CECR2: variants seen among roughly 807,000 people sequenced by gnomAD.
CECR2 encodes the protein chromatin remodeling regulator CECR2.
Under a neutral mutation model 154.5 loss-of-function variants are expected in CECR2, and 30 were observed. That is an observed-to-expected ratio of 0.19 (90% CI 0.15 to 0.26). The LOEUF is 0.26. CECR2 is among the 10% of genes least tolerant of loss of function. CECR2 has a pLI of 1.00. For synonymous variants in CECR2, 725 were observed against 683.7 expected (o/e 1.06, Z -0.94); for missense variants, 1,743 against 1,829.3 (o/e 0.95, Z 0.86).
chr22:17,464,103 T>C (rs2054988206), intron 1 of CECR2, among the ~76,000 whole-genome samples: 1 of 152,214 alleles, frequency 6.6e-6, no homozygotes, highest in Non-Finnish European at 1.5e-5. Flanking sequence ...GAAAATTTGT[T>C]TGCATCACTA....
At chr22:17,537,340 G>T in intron 10 of CECR2, 108 bp downstream of exon 10, 1 of 1,321,470 alleles carries the variant, frequency 7.6e-7, no homozygotes, top group Admixed American at 1.9e-5. Context: ...GGGTAACATG[G>T]TCACCATGTG....
chr22:17,391,727 T>TCC (rs2063328233), intron 1 of CECR2, among the ~76,000 whole-genome samples: 2 of 152,262 alleles, frequency 1.3e-5, no homozygotes, highest in African/African-American at 2.4e-5. Context: ...TATTTTGAAA[T>TCC]CAAAGTATAA....
intron 2 of CECR2, among the ~76,000 whole-genome samples, chr22:17,482,672 T>C (rs1412560772): frequency 1.3e-5 from 2 of 151,584 alleles, no homozygotes. Flanking sequence ...TAGCTGGGAC[T>C]CCAGGCGTGC....
intron 1 of CECR2, among the ~76,000 whole-genome samples, chr22:17,360,202 G>A (rs938909262): frequency 5.3e-5 from 8 of 152,202 alleles, no homozygotes; most frequent in Non-Finnish European, 8.8e-5. Context: ...CTTAAAATGC[G>A]GTGATTAGTT....
Position 17,373,513 on chromosome 22 carries a change from G to A in CECR2, c.126+3604G>A, listed in dbSNP as rs537036609. Among the ~76,000 whole-genome samples, 3 of 152,228 alleles carry A rather than the reference G, an allele frequency of 2.0e-5. No individual in the cohort carries two copies. The South Asian group carries it at 6.2e-4, about 32-fold the overall frequency. ...GTTAACATTGTATCCTTCCACTCAG[G>A]GATAAAAGTGATTCACTGTTAACAT... On this transcript the variant is annotated intron_variant, in intron 1 of 18. Transcript: ENST00000262608.
rs777023982 is a variant in CECR2 at position 17,541,850 on chromosome 22, A to G, written c.1896A>G (p.Val632=). The change falls in exon 15 of 19, where the codon GTA becomes GTG. Residue 632 remains valine, a synonymous_variant. Coordinates refer to ENST00000262608, the MANE Select transcript of CECR2 (RefSeq NM_001290047.2). ...TCAATGTGCTGCAGAGGCCAGCAGT[A>G]CCAGGAACATTTGGCCCTCTGCGAG... ...APFLNQMRPA[V]PGTFGPLRGS... 1.2e-6 allele frequency: 2 copies of G among 1,613,594 alleles called. No individual in the cohort carries two copies. Among genetic ancestry groups the G allele is most frequent in the South Asian group, 2.2e-5 (2 of 91,020 alleles).
chr22:17,536,596 C>T (rs1300133433), intron 9 of CECR2, among the ~76,000 whole-genome samples: 1 of 152,214 alleles, frequency 6.6e-6, no homozygotes, highest in Non-Finnish European at 1.5e-5. Context: ...CCATTGCTTG[C>T]ATGGATGCCT....
chr22:17,363,487 C>T (rs1304517186), intron 1 of CECR2, among the ~76,000 whole-genome samples: 2 of 152,096 alleles, frequency 1.3e-5, no homozygotes, highest in African/African-American at 2.4e-5. Context: ...GAATTACAGG[C>T]GTGAGCCACC....
In CECR2 at chr22:17,499,529, T is replaced by G; in HGVS notation, c.525T>G (p.Asn175Lys). ...AGGACCCGGTGCAAGGAAAATCCAATGGAGAACTCTCTTTGAGCAGGTATG... is the reference window on the plus strand; with the variant it reads ...AGGACCCGGTGCAAGGAAAATCCAAGGGAGAACTCTCTTTGAGCAGGTATG... ...YKEDPVQGKS[N>K]GELSLSRESE... The change falls in exon 4 of 19, where the codon AAT becomes AAG. Residue 175 changes from asparagine to lysine, a missense_variant. Asn to Lys is a moderately conservative substitution (Grantham distance 94). Coordinates refer to ENST00000262608, the MANE Select transcript of CECR2 (RefSeq NM_001290047.2). 1 of 1,611,696 alleles carries G rather than the reference T, an allele frequency of 6.2e-7. No individual in the cohort carries two copies. Among genetic ancestry groups the G allele is most frequent in the Non-Finnish European group, 8.5e-7 (1 of 1,178,866 alleles).
At chr22:17,451,416 A>G (rs1044783891) in intron 1 of CECR2, among the ~76,000 whole-genome samples, 5 of 152,220 alleles carry the variant, frequency 3.3e-5, no homozygotes, top group Non-Finnish European at 7.3e-5. Context: ...ACTTGTGGCT[A>G]TGGCAAGCAG....
At position 17,540,653 on chromosome 22, in the gene CECR2, C is replaced by T. The variant is rs762003565; in HGVS notation, c.1737C>T (p.Pro579=). 3 of 1,613,922 alleles carry T rather than the reference C, an allele frequency of 1.9e-6. No homozygotes were observed. The highest frequency in any genetic ancestry group is 1.3e-5 in the African/African-American group (1 of 75,060). The change falls in exon 14 of 19, where the codon CCC becomes CCT. Residue 579 remains proline, a synonymous_variant. Coordinates refer to ENST00000262608, the MANE Select transcript of CECR2 (RefSeq NM_001290047.2). The stretch of plus-strand genomic sequence containing the variant: ...AGAATGGAGGAAAGTCGTTGCCCCC[C>T]ACACGCCGAGCGCCCTCTTCTGGGG... ...PMENGGKSLP[P]TRRAPSSGDD... is the part of the protein sequence containing the mutation.
In CECR2 at chr22:17,482,285, G is replaced by C. The variant is rs1276845853; in HGVS notation, c.221+4603G>C. On this transcript the variant is annotated intron_variant, in intron 2 of 18. Transcript: ENST00000262608. ...TAAAAATACAAAAAATTAGCCGGGCGTGGTGGCAGGTGCCTGTAGTCCCAG... is the reference window on the plus strand; with the variant it reads ...TAAAAATACAAAAAATTAGCCGGGCCTGGTGGCAGGTGCCTGTAGTCCCAG... 3.3e-5 allele frequency among the ~76,000 whole-genome samples: 5 copies of C among 151,018 alleles called. No homozygotes were observed. The East Asian group carries it at 9.9e-4, about 30-fold the overall frequency.
chr22:17,511,488 A>G (rs569687935), intron 7 of CECR2, among the ~76,000 whole-genome samples: 4 of 148,848 alleles, frequency 2.7e-5, no homozygotes, highest in Non-Finnish European at 5.9e-5. Flanking sequence ...GTGATAAAGC[A>G]TGGCTTTCCC....
rs761636519 is a variant in CECR2, at chr22:17,504,847, G to A, written c.701G>A (p.Gly234Glu). ...GTGAATCCGTTCCTTTATTTTCTAG[G>A]GTCCCAAGGGCCAGGCCAAGGTACT... is the stretch of plus-strand genomic sequence containing the variant. ...SLASEPQTRH[G>E]SQGPGQGTWW... The change falls in exon 7 of 19, where the codon GGG (glycine) becomes GAG (glutamate). Residue 234 changes from glycine to glutamate, a missense_variant and splice_region_variant. Physicochemically the swap from Gly to Glu is moderately conservative, Grantham distance 98 (BLOSUM62 -2). This residue lies in a region of CECR2 where 292 missense variants were observed against 301.2 expected (regional missense o/e 0.97). Coordinates refer to ENST00000262608, the MANE Select transcript of CECR2 (RefSeq NM_001290047.2). 3.1e-6 allele frequency: 5 copies of A among 1,610,046 alleles called. No individual in the cohort carries two copies. The East Asian group carries it at 1.1e-4, about 36-fold the overall frequency.
chr22:17,525,285 CCAAAAAAAAAAAAAA>C (rs1440166506), intron 9 of CECR2, among the ~76,000 whole-genome samples: 8 of 32,322 alleles, frequency 2.5e-4, no homozygotes, highest in East Asian at 2.9e-3. Context: ...AACTCCATCT[CCAAAAAAAAAAAAAA>C]AAAAAAAAAA....
intron 9 of CECR2, chr22:17,524,760 C>A: frequency 4.8e-6 from 1 of 207,268 alleles, no homozygotes; most frequent in South Asian, 3.9e-5. Context: ...TGCAGTGGCA[C>A]AATCTTCACT....
At chr22:17,540,074 C>G (rs1000560301) in intron 13 of CECR2, among the ~76,000 whole-genome samples, 1 of 152,140 alleles carries the variant, frequency 6.6e-6, no homozygotes, top group African/African-American at 2.4e-5. Context: ...CTCAAGTGAT[C>G]CTCCTGCCTT....
chr22:17,404,279 C>CCCCCCA (rs2053942596), intron 1 of CECR2, among the ~76,000 whole-genome samples: 1 of 62,872 alleles, frequency 1.6e-5, no homozygotes, highest in Non-Finnish European at 2.9e-5. Flanking sequence ...ACCCCCCTGC[C>CCCCCCA]AAAAAAAAAA....
At chr22:17,373,476 T>C (rs1198170496) in intron 1 of CECR2, among the ~76,000 whole-genome samples, 1 of 152,224 alleles carries the variant, frequency 6.6e-6, no homozygotes, top group Non-Finnish European at 1.5e-5. Flanking sequence ...CAATCAGGGA[T>C]AAAAGTTAAC....
Sources: gnomAD v4.1 joint callset for allele counts (sites outside exome capture counted in the v4.1 genomes callset) on GRCh38, gnomAD v4.1.1 for gene constraint, gnomAD v4.1.1 regional missense constraint, MANE v1.5 for transcripts, NCBI Gene and HGNC (gene_info 2026-07-23, HGNC 2026-07-21) for gene names.